Variants in RTTN observed in about 807,000 individuals in gnomAD.
RTTN encodes the protein rotatin.
In RTTN, 182 loss-of-function variants were observed where a neutral mutation model predicts 269.2. That is an observed-to-expected ratio of 0.68 (90% CI 0.60 to 0.76). RTTN has a LOEUF of 0.76. Ranked by LOEUF, RTTN falls within the 30% of genes least tolerant of loss-of-function variation. The pLI is 0.00. For missense variants in RTTN, 2,545 were observed against 2,608.6 expected (o/e 0.98, Z 0.53); for synonymous variants, 1,006 against 963.5 (o/e 1.04, Z -0.82).
At chr18:70,084,032 C>G (rs1407739476) in intron 32 of RTTN, among the ~76,000 whole-genome samples, 1 of 151,666 alleles carries the variant, frequency 6.6e-6, no homozygotes, top group Admixed American at 6.6e-5. Context: ...CATATTATTA[C>G]TATTCACAAG....
chr18:70,049,488 G>C (rs1250817621), intron 39 of RTTN, among the ~76,000 whole-genome samples: 1 of 152,060 alleles, frequency 6.6e-6, no homozygotes, highest in African/African-American at 2.4e-5. Context: ...TAACAATTCT[G>C]TTCCTTGTTA....
intron 44 of RTTN, 94 bp downstream of exon 44, chr18:70,024,628 C>A: frequency 8.5e-7 from 1 of 1,172,670 alleles, no homozygotes. Flanking sequence ...AGAAATACTT[C>A]AAAATATGTA....
intron 13 of RTTN, chr18:70,166,488 T>C (rs201174315): frequency 1.8e-5 from 4 of 221,290 alleles, no homozygotes; most frequent in Non-Finnish European, 2.6e-5. Flanking sequence ...AAGTTCTAAA[T>C]AGAAATTTGC....
rs149601340 is a variant in RTTN at position 70,046,073 on chromosome 18, G to A, written c.5541+1898C>T. On this transcript the variant is annotated intron_variant, in intron 40 of 48. Coordinates refer to ENST00000640769, the MANE Select transcript of RTTN (RefSeq NM_173630.4). ...CTAGCACAGATTTTTTTTTTCCTGC[G>A]TATACTATTATAAACTGATTCATTA... 9.7e-3 allele frequency among the ~76,000 whole-genome samples: 1,474 copies of A among 151,472 alleles called. 23 individuals are homozygous for A. Among genetic ancestry groups the A allele is most frequent in the African/African-American group, 0.034 (1,404 of 41,266 alleles).
chr18:70,171,410 T>C (rs543518427), intron 11 of RTTN, among the ~76,000 whole-genome samples: 8 of 152,350 alleles, frequency 5.3e-5, no homozygotes, highest in African/African-American at 1.9e-4. Flanking sequence ...AAGCAGAGCA[T>C]ATGGCATATA....
At chr18:70,071,164 G>A (rs1161828984) in intron 34 of RTTN, among the ~76,000 whole-genome samples, 5 of 152,068 alleles carry the variant, frequency 3.3e-5, no homozygotes, top group Non-Finnish European at 7.4e-5. Flanking sequence ...CATGGAGTGG[G>A]ACCTCACTCC....
chr18:70,128,640 C>A, intron 23 of RTTN, 94 bp from the exon 24 acceptor site: 1 of 911,922 alleles, frequency 1.1e-6, no homozygotes. Flanking sequence ...TCAATGCCTC[C>A]CAACCCACAA....
chr18:70,085,555 A>T (rs2058679582), intron 32 of RTTN, among the ~76,000 whole-genome samples: 1 of 152,216 alleles, frequency 6.6e-6, no homozygotes, highest in African/African-American at 2.4e-5. Flanking sequence ...GAGGTGTAGC[A>T]ATATGATAAA....
chr18:70,191,782 CTTCAAT>C (rs1366064170), intron 8 of RTTN, among the ~76,000 whole-genome samples: 1 of 152,182 alleles, frequency 6.6e-6, no homozygotes, highest in African/African-American at 2.4e-5. Context: ...TTTGTCGTTT[CTTCAAT>C]TTCAAGATAC....
At chr18:70,004,264 A>G in intron 48 of RTTN, 28 bp from the exon 49 acceptor site, 3 of 1,516,734 alleles carry the variant, frequency 2.0e-6, no homozygotes, top group Non-Finnish European at 2.7e-6. Context: ...GAGTACAGAA[A>G]TACTAGTTTA....
intron 46 of RTTN, among the ~76,000 whole-genome samples, chr18:70,015,889 G>C (rs1330961494): frequency 1.3e-5 from 2 of 152,114 alleles, no homozygotes; most frequent in African/African-American, 4.8e-5. Context: ...TTACTGAGTA[G>C]CTGCTATATA....
chr18:70,078,491 C>G (rs2145103026), intron 32 of RTTN, among the ~76,000 whole-genome samples: 1 of 151,672 alleles, frequency 6.6e-6, no homozygotes, highest in Middle Eastern at 3.4e-3. Flanking sequence ...TGATATGGAC[C>G]CACAATGTAA....
At chr18:70,045,748 C>T (rs953119037) in intron 40 of RTTN, among the ~76,000 whole-genome samples, 1 of 152,114 alleles carries the variant, frequency 6.6e-6, no homozygotes, top group African/African-American at 2.4e-5. Flanking sequence ...TAACAGATGT[C>T]ATGTATCCAA....
At chr18:70,119,467 A>T (rs1171021608) in intron 26 of RTTN, among the ~76,000 whole-genome samples, 4 of 152,034 alleles carry the variant, frequency 2.6e-5, no homozygotes. Flanking sequence ...GGAAAAAGCA[A>T]AGGAGAAAGG....
At chr18:70,086,742 C>G in intron 31 of RTTN, 58 bp from the exon 32 acceptor site, 1 of 1,370,100 alleles carries the variant, frequency 7.3e-7, no homozygotes. Flanking sequence ...AAGGTCAATA[C>G]TGCCATCTTG....
intron 28 of RTTN, among the ~76,000 whole-genome samples, chr18:70,097,272 T>G (rs767465639): frequency 5.3e-5 from 8 of 152,216 alleles, no homozygotes; most frequent in Non-Finnish European, 8.8e-5. Flanking sequence ...AATCTTTTAT[T>G]AGAAATATGG....
rs1172025199 is a variant in RTTN, at chr18:70,030,084, C to T, written c.5673G>A (p.Glu1891=). 6.2e-6 allele frequency: 10 copies of T among 1,612,352 alleles called. No individual in the cohort carries two copies. The highest frequency in any genetic ancestry group is 1.3e-5 in the African/African-American group (1 of 75,002). ...LKANLIDNCM[E]QMKHINAQLN... ...GTTGTGCATTTATGTGTTTCATCTG[C>T]TCCATGCAATTGTCTATAAGATTGG... Residue 1891 remains glutamate (E), a synonymous_variant, in exon 42 of 49, where the codon GAG becomes GAA. Coordinates refer to ENST00000640769, the MANE Select transcript of RTTN (RefSeq NM_173630.4).
At chr18:70,185,579 G>T (rs955598151) in intron 10 of RTTN, among the ~76,000 whole-genome samples, 1 of 152,058 alleles carries the variant, frequency 6.6e-6, no homozygotes, top group Non-Finnish European at 1.5e-5. Flanking sequence ...CATGAAGAAG[G>T]CTCTCACCAC....
At chr18:70,040,898 G>T (rs1311682351) in intron 40 of RTTN, among the ~76,000 whole-genome samples, 1 of 152,148 alleles carries the variant, frequency 6.6e-6, no homozygotes, top group Non-Finnish European at 1.5e-5. Flanking sequence ...AAAAAATTAA[G>T]AAGAAAATTG....
Sources: gnomAD v4.1 joint callset for allele counts (sites outside exome capture counted in the v4.1 genomes callset) on GRCh38, gnomAD v4.1.1 for gene constraint, MANE v1.5 for transcripts, NCBI Gene and HGNC (gene_info 2026-07-23, HGNC 2026-07-21) for gene names.